The following ABCC4 variants were observed in gnomAD, a reference collection of about 807,000 sequenced individuals.
The protein encoded by ABCC4 is ATP-binding cassette sub-family C member 4.
A neutral mutation model predicts 168.5 loss-of-function variants in ABCC4; 102 were observed. The observed-to-expected ratio is 0.61, with a 90% CI of 0.52 to 0.71. The LOEUF (loss-of-function observed/expected upper bound fraction) is 0.71, where lower values mean the gene tolerates loss of function less well. Among genes scored for constraint, ABCC4 ranks in the 30% least tolerant of loss-of-function variants. The pLI, the probability that ABCC4 is intolerant of heterozygous loss-of-function variation, is 0.00. For missense variants in ABCC4, 1,402 were observed against 1,605.8 expected, an observed-to-expected ratio of 0.87 and a Z score of 2.17; for synonymous variants, 617 against 590.7, an observed-to-expected ratio of 1.04 and a Z score of -0.65.
intron 25 of ABCC4, among the ~76,000 whole-genome samples, chr13:95,069,207 G>A (rs944652060): frequency 1.3e-5 from 2 of 152,132 alleles, no homozygotes; most frequent in African/African-American, 2.4e-5. Context: ...GGGAGCTGTC[G>A]TGTGTGTTTT....
chr13:95,274,965 T>C (rs1434298318), intron 1 of ABCC4, among the ~76,000 whole-genome samples: 1 of 152,062 alleles, frequency 6.6e-6, no homozygotes, highest in Non-Finnish European at 1.5e-5. Context: ...TAATCCCAGC[T>C]ACTCAGGAGG....
chr13:95,050,353 G>A (rs1034290643), intron 27 of ABCC4, among the ~76,000 whole-genome samples: 1 of 152,158 alleles, frequency 6.6e-6, no homozygotes, highest in Non-Finnish European at 1.5e-5. Flanking sequence ...CATTTGTTAG[G>A]AGTGCTCAGC....
At chr13:95,217,424 A>T (rs1004863532) in intron 4 of ABCC4, among the ~76,000 whole-genome samples, 7 of 152,134 alleles carry the variant, frequency 4.6e-5, no homozygotes, top group Non-Finnish European at 8.8e-5. Flanking sequence ...CCCCCTCTCT[A>T]ATAGTCCTTT....
chr13:95,202,748 A>C (rs2038666933), intron 8 of ABCC4, among the ~76,000 whole-genome samples: 1 of 146,108 alleles, frequency 6.8e-6, no homozygotes, highest in Non-Finnish European at 1.5e-5. Flanking sequence ...TCCCGGGTTC[A>C]AGCAATTCTC....
intron 4 of ABCC4, among the ~76,000 whole-genome samples, chr13:95,219,762 T>G (rs1285657124): frequency 6.6e-6 from 1 of 152,202 alleles, no homozygotes; most frequent in East Asian, 1.9e-4. Flanking sequence ...CAAGCAATGC[T>G]CCCGCCTTGG....
At position 95,300,532 on chromosome 13, in the gene ABCC4, A is replaced by G. The variant is rs117167730; in HGVS notation, c.74+709T>C. ...TACCCACATGAAACTTGCCATAACT[A>G]GGTACCACGACCCACATGGACACAC... is the stretch of plus-strand genomic sequence containing the variant. On this transcript the variant is annotated intron_variant, in intron 1 of 30. Coordinates refer to ENST00000645237, the MANE Select transcript of ABCC4 (RefSeq NM_005845.5). Among the ~76,000 whole-genome samples the G allele has an allele frequency of 8.3e-3, 1,268 of 152,294 alleles. 30 individuals carry two copies. The highest frequency in any genetic ancestry group is 0.017 in the Middle Eastern group (5 of 294).
chr13:95,244,528 A>G lies in ABCC4; in HGVS notation c.306+2447T>C, dbSNP rs548464954. Among the ~76,000 whole-genome samples, 34 of 150,228 alleles carry G rather than the reference A, an allele frequency of 2.3e-4. 1 individual carries two copies. The highest frequency in any genetic ancestry group is 2.1e-3 in the Admixed American group (31 of 14,992). On this transcript the variant is annotated intron_variant, in intron 3 of 30. Transcript: ENST00000645237. Reference sequence around the variant, plus strand: ...CAAAGCTGCAGTGAGCCAAGATAGCACCACTGCACTCCAGCCTGGCAACAG... The same window carrying G: ...CAAAGCTGCAGTGAGCCAAGATAGCGCCACTGCACTCCAGCCTGGCAACAG...
intron 27 of ABCC4, among the ~76,000 whole-genome samples, chr13:95,045,528 C>CA (rs1036408033): frequency 6.6e-6 from 1 of 151,952 alleles, no homozygotes; most frequent in African/African-American, 2.4e-5. Context: ...TGAAAACTCA[C>CA]AAAAAAACAG....
At chr13:95,154,670 G>A (rs963499668) in intron 19 of ABCC4, among the ~76,000 whole-genome samples, 1 of 152,188 alleles carries the variant, frequency 6.6e-6, no homozygotes, top group Admixed American at 6.5e-5. Context: ...TAAATCAGAG[G>A]TTTTAGGACC....
chr13:95,216,347 T>A (rs904401364), intron 4 of ABCC4, among the ~76,000 whole-genome samples: 1 of 152,180 alleles, frequency 6.6e-6, no homozygotes, highest in African/African-American at 2.4e-5. Context: ...GTTCTGCAAA[T>A]ATTTTGATTC....
At chr13:95,148,644 T>C (rs989407091) in intron 19 of ABCC4, among the ~76,000 whole-genome samples, 1 of 139,544 alleles carries the variant, frequency 7.2e-6, no homozygotes, top group African/African-American at 2.6e-5. Flanking sequence ...ACACAATCAA[T>C]GCTTCTTAAG....
At chr13:95,273,066 C>A (rs936337273) in intron 1 of ABCC4, among the ~76,000 whole-genome samples, 2 of 152,096 alleles carry the variant, frequency 1.3e-5, no homozygotes, top group Non-Finnish European at 2.9e-5. Flanking sequence ...ACAGGTTGGG[C>A]TCATAAAAAT....
chr13:95,242,458 C>T (rs2039975343), intron 3 of ABCC4, among the ~76,000 whole-genome samples: 1 of 152,078 alleles, frequency 6.6e-6, no homozygotes, highest in Non-Finnish European at 1.5e-5. Context: ...GAACTCCTGA[C>T]CTTGTGATCC....
At chr13:95,089,357 C>T (rs1305973191) in intron 20 of ABCC4, among the ~76,000 whole-genome samples, 2 of 152,344 alleles carry the variant, frequency 1.3e-5, no homozygotes, top group African/African-American at 4.8e-5. Flanking sequence ...CGGTGACTCA[C>T]ACCTGTAATC....
chr13:95,075,432 C>G lies in ABCC4; in HGVS notation c.2806G>C (p.Glu936Gln), dbSNP rs148067777. The G allele has an allele frequency of 4.0e-4, 643 of 1,613,952 alleles. No homozygotes were observed. The highest frequency in any genetic ancestry group is 5.1e-4 in the Non-Finnish European group (603 of 1,179,986). The change falls in exon 22 of 31, where the codon GAG becomes CAG. Residue 936 changes from glutamate to glutamine, a missense_variant and splice_region_variant. Physicochemically the swap from Glu to Gln is conservative, Grantham distance 29. This residue lies in a region of ABCC4 where 1,007 missense variants were observed against 1,127.3 expected (regional missense o/e 0.89). Coordinates refer to ENST00000645237, the MANE Select transcript of ABCC4 (RefSeq NM_005845.5). ...AAACCATTTCCAGAAATAGACAGAC[C>G]TGAATGTAAATCCTGGTGTGCATCA... ...LFDAHQDLHS[E>Q]AWFLFLTTSR...
At position 95,206,563 on chromosome 13, in the gene ABCC4, G is replaced by A; in HGVS notation, c.1130C>T (p.Ser377Leu). 6.2e-7 allele frequency: 1 copy of A among 1,614,130 alleles called. No homozygotes were observed. Among genetic ancestry groups the A allele is most frequent in the Non-Finnish European group, 8.5e-7 (1 of 1,180,008 alleles). Reference protein sequence around the residue: ...LFFPSAIERVSEAIVSIRRIQ... With the variant: ...LFFPSAIERVLEAIVSIRRIQ... ...TCTTCGGATGCTGACGATTGCCTCT[G>A]ACACCCTCTCAATGGCTGAGGGGAA... is the stretch of plus-strand genomic sequence containing the variant. The change falls in exon 8 of 31, where the codon TCA (serine) becomes TTA (leucine). Residue 377 changes from serine to leucine, a missense_variant. Physicochemically the swap from Ser to Leu is moderately radical, Grantham distance 145. This residue lies in a region of ABCC4 where 78 missense variants were observed against 133.0 expected (regional missense o/e 0.59). Transcript: ENST00000645237.
intron 27 of ABCC4, among the ~76,000 whole-genome samples, chr13:95,046,894 G>A (rs1207873191): frequency 6.6e-6 from 1 of 152,052 alleles, no homozygotes; most frequent in Non-Finnish European, 1.5e-5. Flanking sequence ...TGACAACTGG[G>A]GAAATTGAAA....
intron 19 of ABCC4, among the ~76,000 whole-genome samples, chr13:95,118,883 C>T (rs981481531): frequency 6.6e-6 from 1 of 152,134 alleles, no homozygotes; most frequent in African/African-American, 2.4e-5. Context: ...CAAAGTGAAT[C>T]GAATTTCTCT....
chr13:95,263,639 A>G (rs564563034), intron 1 of ABCC4, among the ~76,000 whole-genome samples: 1 of 152,160 alleles, frequency 6.6e-6, no homozygotes, highest in Non-Finnish European at 1.5e-5. Context: ...CCTGGCCAAC[A>G]TGGTGAAACC....
Sources: allele counts gnomAD v4.1 joint callset (sites outside exome capture counted in the v4.1 genomes callset), GRCh38; gene constraint gnomAD v4.1.1; regional missense constraint gnomAD v4.1.1; transcripts MANE v1.5; gene names NCBI Gene and HGNC (gene_info 2026-07-23, HGNC 2026-07-21).